The following KIAA2012 variants were observed in gnomAD, a reference collection of about 807,000 sequenced individuals.
KIAA2012 encodes the protein uncharacterized protein KIAA2012.
KIAA2012 carries 125 observed loss-of-function variants against 150.6 expected under a neutral mutation model. That is an observed-to-expected ratio of 0.83 (90% CI 0.72 to 0.96). The LOEUF is 0.96. Among genes scored for constraint, KIAA2012 ranks in the 40% least tolerant of loss-of-function variants. The pLI is 0.00. For missense variants in KIAA2012, 1,219 were observed against 1,354.9 expected (o/e 0.90, Z 1.57); for synonymous variants, 462 against 504.7 (o/e 0.92, Z 1.13).
intron 2 of KIAA2012, among the ~76,000 whole-genome samples, chr2:202,086,384 G>A (rs116471669): frequency 4.6e-5 from 7 of 152,156 alleles, no homozygotes; most frequent in African/African-American, 9.6e-5. Context: ...CCCAGAAAAG[G>A]CCTCTCGTCT....
intron 14 of KIAA2012, among the ~76,000 whole-genome samples, chr2:202,157,985 G>A (rs909054719): frequency 3.3e-5 from 5 of 152,002 alleles, no homozygotes; most frequent in East Asian, 3.9e-4. Context: ...CTGATCATTC[G>A]GTTCCCCTCA....
chr2:202,138,341 T>TA, intron 12 of KIAA2012, 91 bp from the exon 13 acceptor site: 2 of 837,206 alleles, frequency 2.4e-6, no homozygotes, highest in Non-Finnish European at 3.7e-6. Context: ...ACATATGAAC[T>TA]AGGTGTGTGT....
intron 15 of KIAA2012, chr2:202,178,940 T>C (rs1199951371): frequency 3.8e-6 from 1 of 262,858 alleles, no homozygotes; most frequent in Non-Finnish European, 7.4e-6. Context: ...AACTGTAGTA[T>C]TAAGGGAATG....
intron 18 of KIAA2012, 85 bp downstream of exon 18, chr2:202,188,351 T>C: frequency 9.6e-7 from 1 of 1,046,930 alleles, no homozygotes; most frequent in Non-Finnish European, 1.4e-6. Context: ...GCATGGATCC[T>C]ACCGGACAAA....
At chr2:202,197,385 A>G (rs1416622598) in intron 22 of KIAA2012, 2 of 282,576 alleles carry the variant, frequency 7.1e-6, no homozygotes, top group African/African-American at 2.1e-5. Flanking sequence ...GCCTGTCTTG[A>G]TATCTACTGA....
At chr2:202,156,596 A>G (rs1691531697) in intron 14 of KIAA2012, among the ~76,000 whole-genome samples, 1 of 152,170 alleles carries the variant, frequency 6.6e-6, no homozygotes, top group South Asian at 2.1e-4. Flanking sequence ...GATAGCTGCT[A>G]AGGAAATGAG....
chr2:202,168,225 CCTGGCCATCATGGTGAAACCCCAT>C (rs1436303450), intron 15 of KIAA2012, among the ~76,000 whole-genome samples: 2 of 152,078 alleles, frequency 1.3e-5, no homozygotes, highest in African/African-American at 4.8e-5. Flanking sequence ...TCGAGACCGT[CCTGGCCATCATGGTGAAACCCCAT>C]CTCTACTAAA....
chr2:202,179,533 C>T, intron 15 of KIAA2012: 2 of 693,734 alleles, frequency 2.9e-6, no homozygotes, highest in East Asian at 3.0e-5. Context: ...GTGGCGTGGG[C>T]CCAGATAACA....
chr2:202,098,063 A>G (rs1048835154), intron 5 of KIAA2012, among the ~76,000 whole-genome samples: 2 of 152,198 alleles, frequency 1.3e-5, no homozygotes, highest in African/African-American at 2.4e-5. Flanking sequence ...AAGATGCTCC[A>G]TTTAACAAAG....
At chr2:202,087,635 T>C (rs1689604172) in intron 2 of KIAA2012, among the ~76,000 whole-genome samples, 2 of 151,262 alleles carry the variant, frequency 1.3e-5, no homozygotes, top group African/African-American at 4.9e-5. Flanking sequence ...TGCTTGCCAA[T>C]GCCATTAAGG....
rs552817248 is a variant in KIAA2012 at position 202,156,889 on chromosome 2, A to G, written c.2046+2079A>G. Among the ~76,000 whole-genome samples, 5 of 152,370 alleles carry G rather than the reference A, an allele frequency of 3.3e-5. No homozygotes were observed. The East Asian group carries it at 9.6e-4, about 29-fold the overall frequency. ...GATAGAGTGAGACTCTGTCTCAAAA[A>G]GAAAATATGGAGCATCTAAGAACGC... On this transcript the variant is annotated intron_variant, in intron 14 of 23. Transcript: ENST00000498697.
At chr2:202,155,548 G>A (rs1203255866) in intron 14 of KIAA2012, among the ~76,000 whole-genome samples, 1 of 152,132 alleles carries the variant, frequency 6.6e-6, no homozygotes, top group African/African-American at 2.4e-5. Context: ...AAACTGACCA[G>A]GAACACAGCC....
chr2:202,073,449 T>C lies in KIAA2012; in HGVS notation c.-179T>C. ...CCACAAAGACACACACTGTCTAAAC[T>C]GTGTGGCTGGTTGTTACTAAGAAGC... On this transcript the variant is annotated 5_prime_UTR_variant, in exon 1 of 24. Coordinates refer to ENST00000498697, the MANE Select transcript of KIAA2012 (RefSeq NM_001277372.4). 1 of 594,292 alleles carries C rather than the reference T, an allele frequency of 1.7e-6. No individual in the cohort carries two copies. Among genetic ancestry groups the C allele is most frequent in the Admixed American group, 2.9e-5 (1 of 34,310 alleles). 36.8% of individuals were successfully genotyped at this position (594,292 alleles called of 1,614,324 possible). A position where few individuals can be genotyped will look rare whatever the true frequency, so the allele number is the denominator to read the frequency against.
chr2:202,186,789 C>A, intron 16 of KIAA2012, 144 bp from the exon 17 acceptor site: 1 of 686,118 alleles, frequency 1.5e-6, no homozygotes, highest in Non-Finnish European at 2.3e-6. Flanking sequence ...ATGGGATGTG[C>A]AGAAGAAAAA....
intron 4 of KIAA2012, among the ~76,000 whole-genome samples, chr2:202,097,170 C>T (rs1689906187): frequency 6.6e-6 from 1 of 152,144 alleles, no homozygotes; most frequent in Non-Finnish European, 1.5e-5. Context: ...AATCTGTATC[C>T]CCATTTTACA....
intron 18 of KIAA2012, among the ~76,000 whole-genome samples, chr2:202,189,956 G>A (rs1692295889): frequency 6.6e-6 from 1 of 151,978 alleles, no homozygotes; most frequent in South Asian, 2.1e-4. Context: ...GCCAGACATG[G>A]TGGTGTGCCT....
rs1689702092 is a variant in KIAA2012, at chr2:202,090,891, C to T, written c.491C>T (p.Thr164Ile). Reference sequence around the variant, plus strand: ...AGATACCTCCGAGGCCTCCTGCGGACTTGGCCCCCAGACGCCATGTATAGG... The same window carrying T: ...AGATACCTCCGAGGCCTCCTGCGGATTTGGCCCCCAGACGCCATGTATAGG... ...AKRYLRGLLRTWPPDAMYRLW... is the reference protein window; with the variant it reads ...AKRYLRGLLRIWPPDAMYRLW... Residue 164 changes from threonine (T) to isoleucine (I), a missense_variant, in exon 3 of 24, where the codon ACT (threonine) becomes ATT (isoleucine). Transcript: ENST00000498697. 1 of 1,550,348 alleles carries T rather than the reference C, an allele frequency of 6.5e-7. No individual in the cohort carries two copies. The highest frequency in any genetic ancestry group is 8.7e-7 in the Non-Finnish European group (1 of 1,146,878).
intron 12 of KIAA2012, 137 bp from the exon 13 acceptor site, chr2:202,138,295 A>C: frequency 1.5e-6 from 1 of 656,070 alleles, no homozygotes; most frequent in South Asian, 1.9e-5. Context: ...GTAAATTATG[A>C]ATGCCATGGG....
rs1392357872 is a variant in KIAA2012, at chr2:202,099,632, A to G, written c.848A>G (p.His283Arg). The G allele has an allele frequency of 1.9e-6, 3 of 1,549,990 alleles. No homozygotes were observed. The East Asian group carries it at 7.3e-5, about 38-fold the overall frequency. ...CCCTAGGACACGTCAATAGAGAATC[A>G]CCTTTGTTTATATGCTTCAAAGGAG... ...TQAEDTSIENHLCLYASKESY... is the reference protein window; with the variant it reads ...TQAEDTSIENRLCLYASKESY... The change falls in exon 6 of 24, where the codon CAC (histidine) becomes CGC (arginine). Residue 283 changes from histidine (H) to arginine (R), a missense_variant. Transcript: ENST00000498697.
Sources: gnomAD v4.1 joint callset for allele counts (sites outside exome capture counted in the v4.1 genomes callset) on GRCh38, gnomAD v4.1.1 for gene constraint, MANE v1.5 for transcripts, NCBI Gene and HGNC (gene_info 2026-07-23, HGNC 2026-07-21) for gene names.